The following VMP1 variants were observed in gnomAD, a reference collection of about 807,000 sequenced individuals.
VMP1 encodes ectopic P-granules autophagy protein 3 homolog.
In VMP1, 11 loss-of-function variants were observed where a neutral mutation model predicts 56.0. The ratio of observed to expected loss-of-function variants is 0.20; its 90% CI spans 0.12 to 0.32. The LOEUF is 0.32. Among genes scored for constraint, VMP1 ranks in the 10% least tolerant of loss-of-function variants. VMP1 has a pLI of 1.00. For missense variants in VMP1, 296 were observed against 490.3 expected, an observed-to-expected ratio of 0.60 and a Z score of 3.74; for synonymous variants, 149 against 165.0, an observed-to-expected ratio of 0.90 and a Z score of 0.74.
At chr17:59,836,993 A>T (rs2039003877) in intron 10 of VMP1, among the ~76,000 whole-genome samples, 1 of 151,986 alleles carries the variant, frequency 6.6e-6, no homozygotes, top group Non-Finnish European at 1.5e-5. Context: ...CGAGGTCAGG[A>T]GTTCAAGACC....
At chr17:59,726,892 G>A (rs1226192467) in intron 1 of VMP1, among the ~76,000 whole-genome samples, 1 of 152,098 alleles carries the variant, frequency 6.6e-6, no homozygotes, top group African/African-American at 2.4e-5. Flanking sequence ...AAGCTTCTAT[G>A]AACTGGTCTG....
At chr17:59,762,558 A>T (rs555704962) in intron 5 of VMP1, among the ~76,000 whole-genome samples, 1 of 152,318 alleles carries the variant, frequency 6.6e-6, no homozygotes, top group Non-Finnish European at 1.5e-5. Flanking sequence ...TGTTGAATAG[A>T]ACTTGTGAGG....
chr17:59,813,974 A>ATGAT (rs3065089), intron 9 of VMP1, among the ~76,000 whole-genome samples: 73 of 151,062 alleles, frequency 4.8e-4, no homozygotes, highest in African/African-American at 5.1e-4. Context: ...TCAATTTATG[A>ATGAT]TGATTGATTG....
At chr17:59,779,201 A>G (rs1041100550) in intron 7 of VMP1, among the ~76,000 whole-genome samples, 6 of 152,212 alleles carry the variant, frequency 3.9e-5, no homozygotes, top group Non-Finnish European at 7.3e-5. Context: ...TAGACTGGGG[A>G]AGAGTGGTTA....
chr17:59,822,006 C>T (rs2038471913), intron 10 of VMP1, among the ~76,000 whole-genome samples: 1 of 152,040 alleles, frequency 6.6e-6, no homozygotes, highest in African/African-American at 2.4e-5. Flanking sequence ...CCATGCCTGG[C>T]TAATTTTTAT....
At chr17:59,785,072 A>G (rs1369814243) in intron 7 of VMP1, 1 of 152,238 alleles carries the variant, frequency 6.6e-6, no homozygotes, top group Non-Finnish European at 1.5e-5. Flanking sequence ...TGCATGATGT[A>G]TCCTGAAAAA....
At chr17:59,760,082 T>C (rs1432293386) in intron 5 of VMP1, among the ~76,000 whole-genome samples, 1 of 149,904 alleles carries the variant, frequency 6.7e-6, no homozygotes, top group Non-Finnish European at 1.5e-5. Flanking sequence ...GTGATCACAC[T>C]ACTGCCCTCC....
In VMP1 at chr17:59,816,351, C is replaced by T. The variant is rs560925834; in HGVS notation, c.913-1361C>T. On this transcript the variant is annotated intron_variant, in intron 9 of 11. Coordinates refer to ENST00000262291, the MANE Select transcript of VMP1 (RefSeq NM_030938.5). ...AAATAACTGGTTTTTGGTATAGACC[C>T]CCTGCTTTTCTTCACAAATTATCTG... Among the ~76,000 whole-genome samples, 10 of 152,238 alleles carry T rather than the reference C, an allele frequency of 6.6e-5. No homozygotes were observed. In the South Asian group the frequency reaches 1.9e-3, roughly 28 times the overall value.
At chr17:59,821,544 T>C (rs976432676) in intron 10 of VMP1, among the ~76,000 whole-genome samples, 16 of 14,528 alleles carry the variant, frequency 1.1e-3, no homozygotes, top group East Asian at 9.9e-3. Context: ...CTTTTCTTTT[T>C]TTTTTTTTTT....
At chr17:59,750,226 T>G (rs1383882799) in intron 5 of VMP1, among the ~76,000 whole-genome samples, 1 of 152,216 alleles carries the variant, frequency 6.6e-6, no homozygotes, top group Non-Finnish European at 1.5e-5. Flanking sequence ...CATGTACTTC[T>G]TGCTGTGTAA....
chr17:59,816,976 A>G (rs1048181397), intron 9 of VMP1, among the ~76,000 whole-genome samples: 2 of 133,930 alleles, frequency 1.5e-5, no homozygotes, highest in Non-Finnish European at 3.1e-5. Flanking sequence ...GAAAGAAAGA[A>G]AAAAAAAAAG....
Position 59,817,693 on chromosome 17 carries a change from A to G in VMP1, c.913-19A>G. 1 of 1,570,476 alleles carries G rather than the reference A, an allele frequency of 6.4e-7. No individual in the cohort carries two copies. The highest frequency in any genetic ancestry group is 1.4e-5 in the African/African-American group (1 of 73,756). On this transcript the variant is annotated intron_variant, in intron 9 of 11. Transcript: ENST00000262291. Reference sequence around the variant, plus strand: ...TTTGATGACTAAATAATTTATTTTAACTGGTGTTTTCTTTACAGAAAATTT... The same window carrying G: ...TTTGATGACTAAATAATTTATTTTAGCTGGTGTTTTCTTTACAGAAAATTT...
At chr17:59,741,689 G>GA (rs1035274729) in intron 5 of VMP1, among the ~76,000 whole-genome samples, 2 of 152,008 alleles carry the variant, frequency 1.3e-5, no homozygotes, top group Admixed American at 1.3e-4. Flanking sequence ...TACTATTGTG[G>GA]AAAAAATTAA....
chr17:59,798,062 A>G (rs917904966), intron 7 of VMP1, among the ~76,000 whole-genome samples: 2 of 152,196 alleles, frequency 1.3e-5, no homozygotes, highest in African/African-American at 4.8e-5. Flanking sequence ...TAGTGGTTAC[A>G]TGGGTGTGTT....
At chr17:59,771,656 G>C (rs1240633693) in intron 6 of VMP1, among the ~76,000 whole-genome samples, 4 of 146,874 alleles carry the variant, frequency 2.7e-5, no homozygotes, top group African/African-American at 1.0e-4. Context: ...ACCCAAGCTG[G>C]AGTGTAGTAG....
At chr17:59,747,750 C>T (rs1186624884) in intron 5 of VMP1, among the ~76,000 whole-genome samples, 4 of 151,580 alleles carry the variant, frequency 2.6e-5, no homozygotes, top group East Asian at 3.9e-4. Flanking sequence ...TTTTAATTAG[C>T]TGGGTGTGGG....
At chr17:59,739,634 G>A (rs1243585426) in intron 5 of VMP1, among the ~76,000 whole-genome samples, 1 of 144,154 alleles carries the variant, frequency 6.9e-6, no homozygotes, top group Non-Finnish European at 1.5e-5. Context: ...TGAGGCAGGA[G>A]AATGGCCTGA....
chr17:59,770,991 T>G lies in VMP1; in HGVS notation c.583-2763T>G, dbSNP rs188642768. On this transcript the variant is annotated intron_variant, in intron 6 of 11. Transcript: ENST00000262291. ...GTTTCCTTTGAGTTGATAAATTGTG[T>G]TTTTTTTTTTTGTAAATAGGAATAC... Among the ~76,000 whole-genome samples the G allele has an allele frequency of 6.0e-3, 848 of 140,780 alleles. 7 individuals carry two copies. Among genetic ancestry groups the G allele is most frequent in the Non-Finnish European group, 8.7e-3 (570 of 65,284 alleles). The allele number at this position is 140,780 out of a possible 152,430, so 92.4% of individuals were successfully genotyped here.
chr17:59,829,576 C>T (rs190859075), intron 10 of VMP1, among the ~76,000 whole-genome samples: 16 of 152,188 alleles, frequency 1.1e-4, no homozygotes, highest in South Asian at 4.1e-4. Flanking sequence ...AAATACTAGC[C>T]GTTAAGCCTG....
Sources: gnomAD v4.1 joint callset for allele counts (sites outside exome capture counted in the v4.1 genomes callset) on GRCh38, gnomAD v4.1.1 for gene constraint, MANE v1.5 for transcripts, NCBI Gene and HGNC (gene_info 2026-07-23, HGNC 2026-07-21) for gene names.